RABGEF1: variants seen among roughly 807,000 people sequenced by gnomAD.
RABGEF1 encodes the protein RAB guanine nucleotide exchange factor 1.
In RABGEF1, 26 loss-of-function variants were observed where a neutral mutation model predicts 57.3. The ratio of observed to expected loss-of-function variants is 0.45; its 90% CI spans 0.33 to 0.63. The LOEUF (loss-of-function observed/expected upper bound fraction) is 0.63, where lower values mean the gene tolerates loss of function less well. Among genes scored for constraint, RABGEF1 ranks in the 20% least tolerant of loss-of-function variants. The pLI is 0.02. For missense variants in RABGEF1, 464 were observed against 607.6 expected, an observed-to-expected ratio of 0.76 and a Z score of 2.48; for synonymous variants, 185 against 210.7, an observed-to-expected ratio of 0.88 and a Z score of 1.06.
chr7:66,757,146 A>G (rs1362926875), intron 1 of RABGEF1, among the ~76,000 whole-genome samples: 2 of 152,164 alleles, frequency 1.3e-5, no homozygotes, highest in Non-Finnish European at 2.9e-5. Context: ...TACAACATTT[A>G]TTTTCACACA....
chr7:66,806,933 C>T (rs529588223), intron 8 of RABGEF1, among the ~76,000 whole-genome samples: 112 of 152,260 alleles, frequency 7.4e-4, no homozygotes, highest in African/African-American at 2.6e-3. Context: ...CATGAGCCAC[C>T]GCACCTGGCC....
intron 8 of RABGEF1, 106 bp from the exon 9 acceptor site, chr7:66,808,780 A>T: frequency 8.3e-7 from 1 of 1,204,648 alleles, no homozygotes. Flanking sequence ...TGTTTTGTTT[A>T]CTTTAGCTTC....
intron 2 of RABGEF1, among the ~76,000 whole-genome samples, chr7:66,734,915 A>G (rs73137993): frequency 0.036 from 5,522 of 152,180 alleles, 139 homozygotes; most frequent in Non-Finnish European, 0.055. Flanking sequence ...ACTGCTCACC[A>G]CATGGCCAAA....
At chr7:66,800,791 T>C (rs1787112283) in intron 7 of RABGEF1, among the ~76,000 whole-genome samples, 1 of 152,348 alleles carries the variant, frequency 6.6e-6, no homozygotes, top group Middle Eastern at 3.4e-3. Context: ...CCAGCCTTCC[T>C]GGCCTCTTTC....
the RABGEF1 span, among the ~76,000 whole-genome samples, chr7:66,661,297 T>G: frequency 1.1e-4 from 1 of 8,752 alleles, no homozygotes; most frequent in Non-Finnish European, 1.9e-4. Flanking sequence ...AGACTCCATC[T>G]CAAAAAAAAA....
chr7:66,732,520 C>T (rs1797439818), intron 2 of RABGEF1, among the ~76,000 whole-genome samples: 1 of 152,078 alleles, frequency 6.6e-6, no homozygotes, highest in African/African-American at 2.4e-5. Flanking sequence ...CACTGGGTGT[C>T]CCCAGTCACT....
At chr7:66,695,980 A>G (rs550519016) in intron 1 of RABGEF1, among the ~76,000 whole-genome samples, 108 of 151,244 alleles carry the variant, frequency 7.1e-4, no homozygotes, top group Middle Eastern at 3.4e-3. Flanking sequence ...AAAAAAATAA[A>G]GTGTAGATGA....
chr7:66,763,425 C>A (rs1024402802), intron 1 of RABGEF1, among the ~76,000 whole-genome samples: 16 of 152,206 alleles, frequency 1.1e-4, no homozygotes, highest in African/African-American at 3.9e-4. Flanking sequence ...ACTCAAATTT[C>A]TTGGCTATTA....
chr7:66,654,907 C>T, the RABGEF1 span, among the ~76,000 whole-genome samples: 3 of 152,254 alleles, frequency 2.0e-5, no homozygotes, highest in Non-Finnish European at 4.4e-5. Flanking sequence ...CCCGGACAAG[C>T]CCTTGAAGGC....
intron 8 of RABGEF1, 84 bp from the exon 9 acceptor site, chr7:66,808,802 G>A (rs3735153): frequency 0.046 from 61,067 of 1,332,868 alleles, 1,715 homozygotes; most frequent in East Asian, 0.11. Flanking sequence ...GTTTTAAATG[G>A]TCTGTGATCA....
chr7:66,737,720 T>G (rs1456006696), upstream of RABGEF1, among the ~76,000 whole-genome samples: 1 of 152,170 alleles, frequency 6.6e-6, no homozygotes, highest in Non-Finnish European at 1.5e-5. Context: ...CAGCCAGGCA[T>G]GGTGGCACTT....
intron 2 of RABGEF1, among the ~76,000 whole-genome samples, chr7:66,728,435 A>C (rs1483508961): frequency 6.6e-6 from 1 of 152,088 alleles, no homozygotes; most frequent in African/African-American, 2.4e-5. Context: ...GTCAAGAACT[A>C]TTCTCAGGAA....
At chr7:66,763,298 A>T (rs983260116) in intron 1 of RABGEF1, among the ~76,000 whole-genome samples, 16 of 151,984 alleles carry the variant, frequency 1.1e-4, no homozygotes, top group African/African-American at 3.4e-4. Flanking sequence ...GGTGATAGAG[A>T]GAGTCTCCTT....
chr7:66,754,122 C>T (rs772901636), intron 1 of RABGEF1, among the ~76,000 whole-genome samples: 1 of 150,368 alleles, frequency 6.7e-6, no homozygotes, highest in Non-Finnish European at 1.5e-5. Flanking sequence ...CCTGCCTCAC[C>T]TCCCGCGTAG....
intron 6 of RABGEF1, among the ~76,000 whole-genome samples, chr7:66,798,994 A>G (rs1045464416): frequency 6.6e-6 from 1 of 152,152 alleles, no homozygotes; most frequent in African/African-American, 2.4e-5. Context: ...AAGGACATTA[A>G]CGCAGTAGGC....
intron 3 of RABGEF1, among the ~76,000 whole-genome samples, chr7:66,777,560 C>G (rs528061486): frequency 6.6e-6 from 1 of 152,212 alleles, no homozygotes; most frequent in African/African-American, 2.4e-5. Context: ...TCCCAAAAGC[C>G]TCTGTACAGT....
At chr7:66,713,949 T>C (rs1353909006) in intron 2 of RABGEF1, among the ~76,000 whole-genome samples, 1 of 152,226 alleles carries the variant, frequency 6.6e-6, no homozygotes, top group Non-Finnish European at 1.5e-5. Flanking sequence ...CTGTTTTATA[T>C]ATTGGTGCAT....
the RABGEF1 span, among the ~76,000 whole-genome samples, chr7:66,659,465 GAAAAAAGAA>G: frequency 1.5e-5 from 2 of 137,698 alleles, no homozygotes; most frequent in East Asian, 2.2e-4. Flanking sequence ...AAAAAAAAAA[GAAAAAAGAA>G]AAAAAAGAAA....
chr7:66,730,186 C>T (rs978331513), intron 2 of RABGEF1, among the ~76,000 whole-genome samples: 2 of 152,220 alleles, frequency 1.3e-5, no homozygotes, highest in Admixed American at 1.3e-4. Flanking sequence ...TGTCCACAGG[C>T]TCCTGTCCCC....
Sources: allele counts gnomAD v4.1 joint callset (sites outside exome capture counted in the v4.1 genomes callset), GRCh38; gene constraint gnomAD v4.1.1; transcripts MANE v1.5; gene names NCBI Gene and HGNC (gene_info 2026-07-23, HGNC 2026-07-21).